ASAP1: variants seen among roughly 807,000 people sequenced by gnomAD.
The protein encoded by ASAP1 is arf-GAP with SH3 domain, ANK repeat and PH domain-containing protein 1.
A neutral mutation model predicts 145.2 loss-of-function variants in ASAP1; 43 were observed. The ratio of observed to expected loss-of-function variants is 0.30; its 90% CI spans 0.23 to 0.38. ASAP1 has a LOEUF of 0.38. Among genes scored for constraint, ASAP1 ranks in the 10% least tolerant of loss-of-function variants. The pLI, the probability that ASAP1 is intolerant of heterozygous loss-of-function variation, is 1.00. For synonymous variants in ASAP1, 546 were observed against 515.5 expected (o/e 1.06, Z -0.80); for missense variants, 1,018 against 1,355.3 (o/e 0.75, Z 3.91).
chr8:130,311,676 G>T (rs758745302), intron 3 of ASAP1, among the ~76,000 whole-genome samples: 1 of 151,148 alleles, frequency 6.6e-6, no homozygotes, highest in Non-Finnish European at 1.5e-5. Flanking sequence ...CAAGAGAATC[G>T]CTTGAACCCG....
At chr8:130,181,617 T>G (rs1814363316) in intron 7 of ASAP1, among the ~76,000 whole-genome samples, 1 of 152,168 alleles carries the variant, frequency 6.6e-6, no homozygotes, top group African/African-American at 2.4e-5. Flanking sequence ...ATGTACAAAA[T>G]TCAGAAGAAA....
rs1554860213 is a variant in ASAP1 at position 130,256,757 on chromosome 8, A to ATATATATATATATATCCT, written c.187-19764_187-19763insAGGATATATATATATATA. On this transcript the variant is annotated intron_variant, in intron 3 of 29. Coordinates refer to ENST00000518721, the MANE Select transcript of ASAP1 (RefSeq NM_018482.4). ...CACATTCTTATATATATATATATAT[A>ATATATATATATATATCCT]TATATATATATATATATATATATAT... Among the ~76,000 whole-genome samples the ATATATATATATATATCCT allele has an allele frequency of 4.2e-3, 397 of 93,540 alleles. 2 individuals are homozygous for ATATATATATATATATCCT. Among genetic ancestry groups the ATATATATATATATATCCT allele is most frequent in the Non-Finnish European group, 6.6e-3 (277 of 42,144 alleles). The allele number at this position is 93,540 out of a possible 152,430, so 61.4% of individuals were successfully genotyped here.
rs867491390 is a variant in ASAP1, at chr8:130,417,919, C to T, written c.-27-15949G>A. Among the ~76,000 whole-genome samples the T allele has an allele frequency of 1.8e-4, 28 of 152,358 alleles. 1 individual carries two copies. Among genetic ancestry groups the T allele is most frequent in the Middle Eastern group, 3.4e-3 (1 of 294 alleles). ...AGTCTCAGGATTGACTCTGACTGTT[C>T]ATCCATCCTTGAACTAATTTCTGTG... is the stretch of plus-strand genomic sequence containing the variant. On this transcript the variant is annotated intron_variant, in intron 1 of 29. Transcript: ENST00000518721.
chr8:130,303,497 G>A (rs1031985619), intron 3 of ASAP1, among the ~76,000 whole-genome samples: 15 of 151,958 alleles, frequency 9.9e-5, no homozygotes, highest in African/African-American at 3.6e-4. Context: ...TGTTTCCAGA[G>A]AAGTAATCAA....
rs537059347 is a variant in ASAP1, at chr8:130,099,773, A to G, written c.2402-7630T>C. Among the ~76,000 whole-genome samples, 46 of 144,970 alleles carry G rather than the reference A, an allele frequency of 3.2e-4. 1 individual carries two copies. Among genetic ancestry groups the G allele is most frequent in the African/African-American group, 1.2e-3 (45 of 38,972 alleles). ...TCTCAGCTCACTGCAACCTGACCTC[A>G]GGTGATCCACCCGCCTCGGCCTCCC... is the stretch of plus-strand genomic sequence containing the variant. On this transcript the variant is annotated intron_variant, in intron 24 of 29. Coordinates refer to ENST00000518721, the MANE Select transcript of ASAP1 (RefSeq NM_018482.4).
chr8:130,247,736 G>A (rs1335694495), intron 3 of ASAP1, among the ~76,000 whole-genome samples: 1 of 152,146 alleles, frequency 6.6e-6, no homozygotes, highest in Non-Finnish European at 1.5e-5. Context: ...ATTTCACATA[G>A]GTCTATCTGC....
At chr8:130,152,914 A>G (rs2097649617) in intron 12 of ASAP1, 109 bp from the exon 13 acceptor site, 1 of 811,016 alleles carries the variant, frequency 1.2e-6, no homozygotes, top group Non-Finnish European at 1.8e-6. Flanking sequence ...CCCCAAACCA[A>G]AAAATCCAAC....
intron 9 of ASAP1, 191 bp downstream of exon 9, chr8:130,179,073 T>G: frequency 2.2e-6 from 1 of 449,322 alleles, no homozygotes; most frequent in South Asian, 4.1e-5. Flanking sequence ...TAAGCCCTAA[T>G]TTGAGCTACT....
rs745406996 is a variant in ASAP1 at position 130,061,021 on chromosome 8, G to A, written c.2750C>T (p.Pro917Leu). The change falls in exon 28 of 30, where the codon CCG (proline) becomes CTG (leucine). Residue 917 changes from proline to leucine, a missense_variant. By Grantham distance (98) the Pro-to-Leu change is moderately conservative (BLOSUM62 -3). Coordinates refer to ENST00000518721, the MANE Select transcript of ASAP1 (RefSeq NM_018482.4). ...TGATGATTTCTGAAAGATTTCGGGC[G>A]GGATGGTGGCTTTGTCTAGGGAGAG... ...DHLSLDKATI[P>L]PEIFQKSSQL... The A allele has an allele frequency of 1.2e-5, 19 of 1,547,932 alleles. No homozygotes were observed. The East Asian group carries it at 1.3e-4, about 11-fold the overall frequency.
At chr8:130,433,337 T>G (rs1830202515) in intron 1 of ASAP1, among the ~76,000 whole-genome samples, 1 of 152,210 alleles carries the variant, frequency 6.6e-6, no homozygotes, top group Non-Finnish European at 1.5e-5. Flanking sequence ...CCAGCTATTC[T>G]CAGCCTTGAA....
chr8:130,118,522 T>A lies in ASAP1; in HGVS notation c.1761A>T (p.Val587=), dbSNP rs913342966. The change falls in exon 19 of 30, where the codon GTA becomes GTT. Residue 587 remains valine (V), a synonymous_variant. Coordinates refer to ENST00000518721, the MANE Select transcript of ASAP1 (RefSeq NM_018482.4). The stretch of plus-strand genomic sequence containing the variant: ...GTTCCAGCAGTGGTTCCATTAGCTC[T>A]ACCCCTTCTGCATAGACTTGAATTA... ...LALIQVYAEG[V]ELMEPLLEPG... is the part of the protein sequence containing the mutation. 28 of 1,613,370 alleles carry A rather than the reference T, an allele frequency of 1.7e-5. No individual in the cohort carries two copies. Among genetic ancestry groups the A allele is most frequent in the Non-Finnish European group, 2.4e-5 (28 of 1,179,548 alleles).
chr8:130,375,164 T>A (rs1347812445), intron 2 of ASAP1, among the ~76,000 whole-genome samples: 1 of 152,190 alleles, frequency 6.6e-6, no homozygotes, highest in African/African-American at 2.4e-5. Flanking sequence ...GCAAAGAACC[T>A]AGGCCAGTGT....
chr8:130,407,985 GA>G (rs1829108194), intron 1 of ASAP1, among the ~76,000 whole-genome samples: 4 of 152,136 alleles, frequency 2.6e-5, no homozygotes, highest in African/African-American at 9.7e-5. Flanking sequence ...GCTGTACTTA[GA>G]AAATCAGGGA....
At chr8:130,369,206 C>T (rs139407720) in intron 2 of ASAP1, among the ~76,000 whole-genome samples, 6 of 152,004 alleles carry the variant, frequency 3.9e-5, no homozygotes, top group Non-Finnish European at 7.4e-5. Flanking sequence ...TTTTTTATTT[C>T]TGGAATGTTT....
intron 4 of ASAP1, among the ~76,000 whole-genome samples, chr8:130,220,454 C>T (rs181916206): frequency 3.4e-4 from 52 of 151,968 alleles, no homozygotes; most frequent in African/African-American, 1.2e-3. Context: ...GATCATACAA[C>T]TCATAAATAA....
intron 13 of ASAP1, among the ~76,000 whole-genome samples, chr8:130,151,143 C>G (rs574060430): frequency 6.6e-6 from 1 of 151,850 alleles, no homozygotes; most frequent in Non-Finnish European, 1.5e-5. Flanking sequence ...GAGGCCGAAG[C>G]GGGCAGATCA....
chr8:130,359,964 AC>A (rs1358147863), intron 2 of ASAP1, among the ~76,000 whole-genome samples: 2 of 152,144 alleles, frequency 1.3e-5, no homozygotes, highest in South Asian at 2.1e-4. Context: ...TCTGGTTCTT[AC>A]CCCTGACTAC....
intron 3 of ASAP1, among the ~76,000 whole-genome samples, chr8:130,348,925 A>G (rs544117306): frequency 1.3e-5 from 2 of 152,336 alleles, no homozygotes; most frequent in Admixed American, 1.3e-4. Flanking sequence ...ATTACCCCAA[A>G]GCCCCAGCAA....
intron 13 of ASAP1, among the ~76,000 whole-genome samples, chr8:130,139,177 T>C (rs948933956): frequency 2.0e-5 from 3 of 152,264 alleles, no homozygotes; most frequent in South Asian, 2.1e-4. Context: ...ACTCTGAAGA[T>C]GAGTTAGAGG....
Sources: allele counts gnomAD v4.1 joint callset (sites outside exome capture counted in the v4.1 genomes callset), GRCh38; gene constraint gnomAD v4.1.1; transcripts MANE v1.5; gene names NCBI Gene and HGNC (gene_info 2026-07-23, HGNC 2026-07-21).